Variants in NARS2 observed in about 807,000 individuals in gnomAD.
The protein encoded by NARS2 is asparaginyl-tRNA synthetase.
A neutral mutation model predicts 62.9 loss-of-function variants in NARS2; 60 were observed. That is an observed-to-expected ratio of 0.95 (90% CI 0.77 to 1.18). The LOEUF (loss-of-function observed/expected upper bound fraction) is 1.18, where lower values mean the gene tolerates loss of function less well. Ranked by LOEUF, NARS2 falls within the 50% of genes most tolerant of loss-of-function variation. NARS2 has a pLI of 0.00. For missense variants in NARS2, 619 were observed against 576.4 expected, an observed-to-expected ratio of 1.07 and a Z score of -0.76; for synonymous variants, 196 against 200.0, an observed-to-expected ratio of 0.98 and a Z score of 0.17.
At chr11:78,557,414 T>C (rs2135510053) in intron 5 of NARS2, among the ~76,000 whole-genome samples, 1 of 152,274 alleles carries the variant, frequency 6.6e-6, no homozygotes, top group South Asian at 2.1e-4. Context: ...TGAGGTGGGA[T>C]AAGAAGGAGC....
At chr11:78,501,944 A>C (rs1290579720) in intron 6 of NARS2, among the ~76,000 whole-genome samples, 1 of 152,242 alleles carries the variant, frequency 6.6e-6, no homozygotes, top group Non-Finnish European at 1.5e-5. Flanking sequence ...AATATTCATC[A>C]ATGAATGAAT....
intron 5 of NARS2, among the ~76,000 whole-genome samples, chr11:78,552,564 T>C (rs1275565102): frequency 6.6e-6 from 1 of 152,172 alleles, no homozygotes; most frequent in Non-Finnish European, 1.5e-5. Context: ...CTTCCTCTCA[T>C]TCTATTCAAA....
rs935119060 is a variant in NARS2, at chr11:78,574,597, G to A, written c.-109C>T. 35 of 1,268,128 alleles carry A rather than the reference G, an allele frequency of 2.8e-5. No homozygotes were observed. The Admixed American group carries it at 3.3e-4, about 12-fold the overall frequency. The allele number at this position is 1,268,128 out of a possible 1,614,324, so 78.6% of individuals were successfully genotyped here. ...GCTCCCCTTCCGCGGCCGCAGCTCTGCTCTAAGGCACTCCAGAGCCCCTCG... is the reference window on the plus strand; with the variant it reads ...GCTCCCCTTCCGCGGCCGCAGCTCTACTCTAAGGCACTCCAGAGCCCCTCG... On this transcript the variant is annotated 5_prime_UTR_variant, in exon 1 of 14. Transcript: ENST00000281038.
chr11:78,474,191 T>C (rs1391910900), intron 9 of NARS2, among the ~76,000 whole-genome samples: 1 of 152,206 alleles, frequency 6.6e-6, no homozygotes, highest in African/African-American at 2.4e-5. Context: ...CTTTTAACAG[T>C]ATTGTCATTA....
In NARS2 at chr11:78,478,449, G is replaced by GT. The variant is rs755975670; in HGVS notation, c.947dup (p.Asn316LysfsTer10). 4 of 1,087,192 alleles carry GT rather than the reference G, an allele frequency of 3.7e-6. No homozygotes were observed. Among genetic ancestry groups the GT allele is most frequent in the Non-Finnish European group, 5.2e-6 (4 of 773,096 alleles). The allele number at this position is 1,087,192 out of a possible 1,614,324, so 67.3% of individuals were successfully genotyped here. On this transcript the variant is annotated frameshift_variant, in exon 9 of 14. Transcript: ENST00000281038. LOFTEE classifies it high-confidence loss of function. ...TAACATCTACTTACATTAAAAAGTT[G>GT]TTTTTTAGCATATGTTCTAATCTGT...
intron 5 of NARS2, among the ~76,000 whole-genome samples, chr11:78,554,312 T>C (rs929838057): frequency 2.6e-5 from 4 of 152,224 alleles, no homozygotes; most frequent in African/African-American, 9.6e-5. Flanking sequence ...TGTTGATAGT[T>C]TGATATGAAC....
At chr11:78,469,363 C>T in intron 9 of NARS2, 50 bp from the exon 10 acceptor site, 1 of 1,361,260 alleles carries the variant, frequency 7.3e-7, no homozygotes, top group Non-Finnish European at 1.1e-6. Context: ...AATGGAGCTG[C>T]TAACTAGTTC....
chr11:78,478,305 CATATA>C (rs893775594), intron 9 of NARS2, 128 bp downstream of exon 9: 21 of 284,356 alleles, frequency 7.4e-5, no homozygotes, highest in Middle Eastern at 2.5e-3. Flanking sequence ...TATATATAGA[CATATA>C]ATATGTCTAT....
At chr11:78,487,764 T>C (rs1275738151) in intron 7 of NARS2, among the ~76,000 whole-genome samples, 1 of 152,030 alleles carries the variant, frequency 6.6e-6, no homozygotes, top group Non-Finnish European at 1.5e-5. Context: ...TCTCAAACAC[T>C]ACAGAGGTCA....
At chr11:78,465,086 T>C (rs1266266821) in intron 11 of NARS2, among the ~76,000 whole-genome samples, 2 of 152,094 alleles carry the variant, frequency 1.3e-5, no homozygotes, top group South Asian at 2.1e-4. Context: ...GGCTCAGGCA[T>C]GGGGGGCTGC....
intron 11 of NARS2, among the ~76,000 whole-genome samples, chr11:78,458,515 G>C (rs188629136): frequency 1.3e-4 from 20 of 152,260 alleles, no homozygotes; most frequent in African/African-American, 4.6e-4. Context: ...GAACCCAAGA[G>C]TGTCTAACTC....
In NARS2 at chr11:78,487,104, C is replaced by G. The variant is rs555222927; in HGVS notation, c.822+5959G>C. On this transcript the variant is annotated intron_variant, in intron 7 of 13. Coordinates refer to ENST00000281038, the MANE Select transcript of NARS2 (RefSeq NM_024678.6). The stretch of plus-strand genomic sequence containing the variant: ...GGCATGGTGGCTCACGCCTGTAATC[C>G]CAGCACTTTGGGAGTCTGAGGTGGG... Among the ~76,000 whole-genome samples the G allele has an allele frequency of 4.8e-4, 73 of 151,870 alleles. 1 individual carries two copies. In the South Asian group the frequency reaches 7.5e-3, roughly 16 times the overall value.
chr11:78,436,125 G>T lies in NARS2; in HGVS notation c.*545C>A, dbSNP rs1857404129. 1 of 152,102 alleles carries T rather than the reference G, an allele frequency of 6.6e-6. No individual in the cohort carries two copies. Among genetic ancestry groups the T allele is most frequent in the South Asian group, 2.1e-4 (1 of 4,826 alleles). 9.4% of individuals were successfully genotyped at this position (152,102 alleles called of 1,614,324 possible). A position where few individuals can be genotyped will look rare whatever the true frequency, so the allele number is the denominator to read the frequency against. ...TTATTAAACATGATTTTTTCATCCA[G>T]TTCAATGAAAGGAGATTTCAATTCA... On this transcript the variant is annotated 3_prime_UTR_variant, in exon 14 of 14. Transcript: ENST00000281038.
rs75232885 is a variant in NARS2 at position 78,529,173 on chromosome 11, A to T, written c.595-237T>A. On this transcript the variant is annotated intron_variant, in intron 5 of 13. Coordinates refer to ENST00000281038, the MANE Select transcript of NARS2 (RefSeq NM_024678.6). Reference sequence around the variant, plus strand: ...AAACATACAATAACCAAAGGACCAAAGTACCTTTGTCACAAAATATACTTC... The same window carrying T: ...AAACATACAATAACCAAAGGACCAATGTACCTTTGTCACAAAATATACTTC... 0.019 allele frequency among the ~76,000 whole-genome samples: 2,892 copies of T among 152,304 alleles called. 87 individuals carry two copies. The highest frequency in any genetic ancestry group is 0.066 in the African/African-American group (2,735 of 41,562).
At chr11:78,532,949 T>A in intron 5 of NARS2, among the ~76,000 whole-genome samples, 1 of 152,216 alleles carries the variant, frequency 6.6e-6, no homozygotes, top group East Asian at 1.9e-4. Context: ...TCTCCACTTC[T>A]CAGCAATGAC....
intron 11 of NARS2, 120 bp downstream of exon 11, chr11:78,465,756 A>C (rs1469840053): frequency 1.7e-6 from 2 of 1,175,572 alleles, no homozygotes; most frequent in Non-Finnish European, 2.4e-6. Flanking sequence ...GATGTCTTTG[A>C]AAAACATTAT....
chr11:78,573,677 G>A (rs1022734719), intron 1 of NARS2: 18 of 152,296 alleles, frequency 1.2e-4, no homozygotes, highest in African/African-American at 3.9e-4. Flanking sequence ...AACATTTGTA[G>A]ACTATGAGCC....
chr11:78,470,341 T>C (rs1267518730), intron 9 of NARS2, among the ~76,000 whole-genome samples: 1 of 152,226 alleles, frequency 6.6e-6, no homozygotes, highest in Non-Finnish European at 1.5e-5. Context: ...TATAAGAGTA[T>C]ACATCTCCCT....
intron 13 of NARS2, among the ~76,000 whole-genome samples, chr11:78,438,813 G>C (rs1565198794): frequency 6.6e-6 from 1 of 152,182 alleles, no homozygotes; most frequent in Non-Finnish European, 1.5e-5. Flanking sequence ...TCACCGTATG[G>C]TGGAACACTA....
Sources: allele counts gnomAD v4.1 joint callset (sites outside exome capture counted in the v4.1 genomes callset), GRCh38; gene constraint gnomAD v4.1.1; transcripts MANE v1.5; gene names NCBI Gene and HGNC (gene_info 2026-07-23, HGNC 2026-07-21).